The following DNAJC19 variants were observed in gnomAD, a reference collection of about 807,000 sequenced individuals.
DNAJC19 encodes the protein DnaJ heat shock protein family (Hsp40) member C19, also known as mitochondrial import inner membrane translocase subunit TIM14.
Under a neutral mutation model 19.8 loss-of-function variants are expected in DNAJC19, and 15 were observed. The observed-to-expected ratio is 0.76, with a 90% CI of 0.51 to 1.17. DNAJC19 has a LOEUF of 1.17. Ranked by LOEUF, DNAJC19 falls within the 50% of genes most tolerant of loss-of-function variation. The probability of loss-of-function intolerance (pLI) is 0.00; values close to 1 mark genes in which losing one functional copy is unlikely to be tolerated. For synonymous variants in DNAJC19, 38 were observed against 42.1 expected, an observed-to-expected ratio of 0.90 and a Z score of 0.38; for missense variants, 105 against 140.9, an observed-to-expected ratio of 0.75 and a Z score of 1.29.
intron 5 of DNAJC19, 83 bp from the exon 6 acceptor site, chr3:180,984,793 T>C (rs1438009039): frequency 3.1e-6 from 3 of 970,206 alleles, no homozygotes; most frequent in South Asian, 3.0e-5. Flanking sequence ...TTTCAAGGAC[T>C]CCAATGCTTA....
chr3:180,988,261 T>A (rs1389983079), intron 1 of DNAJC19, 32 bp from the exon 2 acceptor site: 8 of 1,612,624 alleles, frequency 5.0e-6, no homozygotes, highest in Non-Finnish European at 6.8e-6. Context: ...AATATTTACT[T>A]CTCTAATTCC....
chr3:180,986,753 A>G, intron 4 of DNAJC19, 190 bp downstream of exon 4: 1 of 595,564 alleles, frequency 1.7e-6, no homozygotes, highest in South Asian at 2.2e-5. Context: ...TCTCATTTGA[A>G]GGATTGTTTA....
intron 5 of DNAJC19, chr3:180,985,525 G>C (rs548298344): frequency 8.1e-4 from 151 of 185,590 alleles, no homozygotes; most frequent in Non-Finnish European, 9.5e-4. Context: ...AGAAATTCTT[G>C]CTTTCCTTCA....
chr3:180,989,335 A>C, intron 1 of DNAJC19: 2 of 1,418,480 alleles, frequency 1.4e-6, no homozygotes, highest in Non-Finnish European at 1.8e-6. Flanking sequence ...CTCTGACCTT[A>C]CAGGAGTTCC....
At position 180,988,022 on chromosome 3, in the gene DNAJC19, C is replaced by T. The variant is rs1003922271; in HGVS notation, c.129+1G>A. 6.2e-7 allele frequency: 1 copy of T among 1,614,122 alleles called. No homozygotes were observed. Among genetic ancestry groups the T allele is most frequent in the Non-Finnish European group, 8.5e-7 (1 of 1,179,972 alleles). On this transcript the variant is annotated splice_donor_variant, in intron 3 of 5. Transcript: ENST00000382564. LOFTEE classifies it high-confidence loss of function. ...GCAGCAAAGAATTAACAAAGTCTTA[C>T]AGATTTTGGTAGGCTTTGAAAAACT... is the stretch of plus-strand genomic sequence containing the variant.
chr3:180,985,954 T>TC lies in DNAJC19; in HGVS notation c.251dup (p.Ile85AsnfsTer8), dbSNP rs1560039194. On this transcript the variant is annotated frameshift_variant, in exon 5 of 6. Transcript: ENST00000382564. LOFTEE classifies it high-confidence loss of function. ...TGTCAGGATGATTTAAAAGCATAAT[T>TC]CGTCGATGAGCATCTCTTATTTTCC... 6.2e-7 allele frequency: 1 copy of TC among 1,613,672 alleles called. No individual in the cohort carries two copies. Among genetic ancestry groups the TC allele is most frequent in the South Asian group, 1.1e-5 (1 of 91,080 alleles).
chr3:180,986,292 T>G (rs1487384895), intron 4 of DNAJC19, among the ~76,000 whole-genome samples: 39 of 142,772 alleles, frequency 2.7e-4, no homozygotes, highest in Non-Finnish European at 4.7e-4. Context: ...TTTTGTTTTT[T>G]TTTTTTTTTG....
chr3:180,985,620 T>C, intron 5 of DNAJC19: 1 of 310,218 alleles, frequency 3.2e-6, no homozygotes, highest in Non-Finnish European at 6.1e-6. Context: ...CGTTTCAAGG[T>C]ATCTAAAATG....
At position 180,989,637 on chromosome 3, in the gene DNAJC19, C is replaced by T. The variant is rs778238451; in HGVS notation, c.-35G>A. 6.3e-7 allele frequency: 1 copy of T among 1,583,280 alleles called. No homozygotes were observed. Among genetic ancestry groups the T allele is most frequent in the East Asian group, 2.3e-5 (1 of 43,372 alleles). On this transcript the variant is annotated 5_prime_UTR_variant, in exon 1 of 6. Coordinates refer to ENST00000382564, the MANE Select transcript of DNAJC19 (RefSeq NM_145261.4). ...TGGGCTCCCTTGCTTCCACCGGGAG[C>T]ACGGCTCATCCCAGCTCAGAGGCCG... is the stretch of plus-strand genomic sequence containing the variant.
At chr3:180,986,140 C>G in intron 4 of DNAJC19, 144 bp from the exon 5 acceptor site, 2 of 692,910 alleles carry the variant, frequency 2.9e-6, no homozygotes, top group South Asian at 3.3e-5. Flanking sequence ...CCTCAACACA[C>G]CCAATGCGTA....
At position 180,985,901 on chromosome 3, in the gene DNAJC19, C is replaced by A. The variant is rs772295029; in HGVS notation, c.280+25G>T. On this transcript the variant is annotated intron_variant, in intron 5 of 5. Transcript: ENST00000382564. ...TAACTATTGGTCACACCAACAACAT[C>A]AACGAGAATTTAATGACTACTTACC... 3.8e-6 allele frequency: 6 copies of A among 1,597,354 alleles called. 1 individual carries two copies. The African/African-American group carries it at 6.7e-5, about 18-fold the overall frequency.
intron 3 of DNAJC19, chr3:180,987,269 C>A: frequency 2.0e-6 from 1 of 510,012 alleles, no homozygotes. Flanking sequence ...AAATATAAGA[C>A]AAAATAACAG....
intron 3 of DNAJC19, 91 bp from the exon 4 acceptor site, chr3:180,987,113 A>T: frequency 8.5e-7 from 1 of 1,179,472 alleles, no homozygotes; most frequent in Non-Finnish European, 1.3e-6. Context: ...ACTAAGAAAA[A>T]CTAAGACATT....
At chr3:180,988,277 T>C in intron 1 of DNAJC19, 48 bp from the exon 2 acceptor site, 1 of 1,609,352 alleles carries the variant, frequency 6.2e-7, no homozygotes, top group Non-Finnish European at 8.5e-7. Context: ...ATTCCCACCC[T>C]TTCTCATTTT....
chr3:180,983,911 A>C lies in DNAJC19; in HGVS notation c.*729T>G, dbSNP rs962002889. 5 of 453,918 alleles carry C rather than the reference A, an allele frequency of 1.1e-5. No individual in the cohort carries two copies. Among genetic ancestry groups the C allele is most frequent in the Non-Finnish European group, 2.2e-5 (5 of 226,768 alleles). The allele number at this position is 453,918 out of a possible 1,614,324, so 28.1% of individuals were successfully genotyped here. A position where few individuals can be genotyped will look rare whatever the true frequency, so the allele number is the denominator to read the frequency against. Reference sequence around the variant, plus strand: ...AAATGGTCATTACCTTTAAGGGGCTAGCTGAATACAATGTAAATACTCATG... The same window carrying C: ...AAATGGTCATTACCTTTAAGGGGCTCGCTGAATACAATGTAAATACTCATG... On this transcript the variant is annotated 3_prime_UTR_variant, in exon 6 of 6. Transcript: ENST00000382564.
intron 1 of DNAJC19, chr3:180,989,198 G>C: frequency 6.3e-6 from 4 of 630,666 alleles, no homozygotes; most frequent in Non-Finnish European, 8.6e-6. Context: ...GAAGCATGGA[G>C]AAGACATCTG....
chr3:180,984,790 G>T, intron 5 of DNAJC19, 80 bp from the exon 6 acceptor site: 2 of 1,010,424 alleles, frequency 2.0e-6, no homozygotes, highest in Non-Finnish European at 3.0e-6. Flanking sequence ...TTGTTTCAAG[G>T]ACTCCAATGC....
At position 180,984,603 on chromosome 3, in the gene DNAJC19, A is replaced by G. The variant is rs202185352; in HGVS notation, c.*37T>C. On this transcript the variant is annotated 3_prime_UTR_variant, in exon 6 of 6. Transcript: ENST00000382564. The stretch of plus-strand genomic sequence containing the variant: ...ATAAAAACTTAGTACTCATATACAT[A>G]AACTAATACGAACTTAAAATTCATC... The G allele has an allele frequency of 1.9e-4, 284 of 1,471,580 alleles. 1 individual carries two copies. The African/African-American group carries it at 3.3e-3, about 17-fold the overall frequency. The allele number at this position is 1,471,580 out of a possible 1,614,324, so 91.2% of individuals were successfully genotyped here.
At chr3:180,987,217 T>C in intron 3 of DNAJC19, 195 bp from the exon 4 acceptor site, 1 of 602,548 alleles carries the variant, frequency 1.7e-6, no homozygotes. Flanking sequence ...TAATGATCAT[T>C]AAACAGATTC....
Sources: allele counts gnomAD v4.1 joint callset (sites outside exome capture counted in the v4.1 genomes callset), GRCh38; gene constraint gnomAD v4.1.1; transcripts MANE v1.5; gene names NCBI Gene and HGNC (gene_info 2026-07-23, HGNC 2026-07-21).